The following PTPRD variants were observed in gnomAD, a reference collection of about 807,000 sequenced individuals.
The protein encoded by PTPRD is protein tyrosine phosphatase receptor type D.
PTPRD carries 34 observed loss-of-function variants against 214.5 expected under a neutral mutation model. The observed-to-expected ratio is 0.16, with a 90% CI of 0.12 to 0.21. PTPRD has a LOEUF of 0.21. PTPRD is among the 10% of genes least tolerant of loss of function. The pLI, the probability that PTPRD is intolerant of heterozygous loss-of-function variation, is 1.00. For synonymous variants in PTPRD, 1,128 were observed against 845.7 expected (o/e 1.33, Z -5.79); for missense variants, 2,545 against 2,398.7 (o/e 1.06, Z -1.27).
At chr9:8,645,691 G>T (rs2096671997) in intron 12 of PTPRD, among the ~76,000 whole-genome samples, 1 of 151,952 alleles carries the variant, frequency 6.6e-6, no homozygotes, top group Non-Finnish European at 1.5e-5. Context: ...AGGAAGAAAA[G>T]ATTTAATTTA....
intron 8 of PTPRD, among the ~76,000 whole-genome samples, chr9:9,516,834 T>A (rs2096850709): frequency 6.6e-6 from 1 of 151,670 alleles, no homozygotes; most frequent in African/African-American, 2.4e-5. Context: ...CCACAATATC[T>A]TATTTTAGGC....
chr9:10,506,857 T>G (rs73642003), intron 2 of PTPRD, among the ~76,000 whole-genome samples: 21,619 of 152,046 alleles, frequency 0.14, 2,540 homozygotes, highest in African/African-American at 0.32. Context: ...TAGACATTTT[T>G]GGGAAGTCAT....
chr9:10,572,056 T>C (rs1014760297), intron 2 of PTPRD, among the ~76,000 whole-genome samples: 1 of 152,070 alleles, frequency 6.6e-6, no homozygotes, highest in African/African-American at 2.4e-5. Flanking sequence ...GTATTAGACA[T>C]ACAGACATAG....
rs190614242 is a variant in PTPRD at position 9,483,920 on chromosome 9, T to C, written c.-236-86438A>G. 2.0e-3 allele frequency among the ~76,000 whole-genome samples: 297 copies of C among 152,038 alleles called. 6 individuals carry two copies. Among genetic ancestry groups the C allele is most frequent in the Admixed American group, 0.012 (188 of 15,246 alleles). On this transcript the variant is annotated intron_variant, in intron 8 of 45. Transcript: ENST00000381196. ...ATCCCTTTGTATCCTATCACGTTTA[T>C]GTTATATTATAAATGCTTTTCTAGA...
chr9:8,770,328 G>C (rs2095107069), intron 11 of PTPRD, among the ~76,000 whole-genome samples: 1 of 149,442 alleles, frequency 6.7e-6, no homozygotes, highest in South Asian at 2.1e-4. Flanking sequence ...TTCTCAATTT[G>C]CTATGATAGT....
chr9:9,212,362 C>T (rs1338400164), intron 9 of PTPRD, among the ~76,000 whole-genome samples: 1 of 152,120 alleles, frequency 6.6e-6, no homozygotes, highest in Non-Finnish European at 1.5e-5. Context: ...TTTCCCTATG[C>T]TGAAACAGTT....
intron 12 of PTPRD, among the ~76,000 whole-genome samples, chr9:8,689,326 C>T (rs951805708): frequency 2.6e-5 from 4 of 152,196 alleles, no homozygotes; most frequent in African/African-American, 9.6e-5. Flanking sequence ...TAGTTCATTT[C>T]TTGCTACCTG....
At chr9:8,565,918 G>A (rs1295674178) in intron 14 of PTPRD, among the ~76,000 whole-genome samples, 1 of 152,082 alleles carries the variant, frequency 6.6e-6, no homozygotes, top group Non-Finnish European at 1.5e-5. Flanking sequence ...TATATAGAGA[G>A]AAAACAAGAA....
intron 10 of PTPRD, among the ~76,000 whole-genome samples, chr9:9,178,033 G>A (rs2099925985): frequency 6.6e-6 from 1 of 152,096 alleles, no homozygotes. Flanking sequence ...AATGGTGAAG[G>A]AACTACAGAT....
At chr9:10,212,087 C>G (rs2099520100) in intron 3 of PTPRD, among the ~76,000 whole-genome samples, 1 of 152,124 alleles carries the variant, frequency 6.6e-6, no homozygotes, top group Non-Finnish European at 1.5e-5. Flanking sequence ...CTTTCCAATT[C>G]TATCTAGCAG....
chr9:8,414,341 A>G (rs996098741), intron 35 of PTPRD, among the ~76,000 whole-genome samples: 6 of 152,198 alleles, frequency 3.9e-5, no homozygotes, highest in East Asian at 1.9e-4. Flanking sequence ...GTGTTTTCCA[A>G]TTTTTACATA....
At chr9:8,744,774 T>A (rs1368406521) in intron 11 of PTPRD, among the ~76,000 whole-genome samples, 1 of 152,166 alleles carries the variant, frequency 6.6e-6, no homozygotes, top group Non-Finnish European at 1.5e-5. Context: ...CCAAACACCA[T>A]CTGTTCCTCA....
chr9:10,251,711 T>G (rs2092785491), intron 3 of PTPRD, among the ~76,000 whole-genome samples: 1 of 152,192 alleles, frequency 6.6e-6, no homozygotes, highest in East Asian at 1.9e-4. Context: ...GATTATAGTT[T>G]CCTAATATGG....
chr9:9,576,332 G>C (rs1297506659), intron 7 of PTPRD, among the ~76,000 whole-genome samples: 3 of 152,140 alleles, frequency 2.0e-5, no homozygotes, highest in African/African-American at 7.2e-5. Context: ...TGAAATGTTA[G>C]AGGAAAACAA....
In PTPRD at chr9:9,049,209, G is replaced by C. The variant is rs78400481; in HGVS notation, c.-142-30474C>G. 7.1e-3 allele frequency among the ~76,000 whole-genome samples: 1,083 copies of C among 152,264 alleles called. 19 individuals carry two copies. Among genetic ancestry groups the C allele is most frequent in the African/African-American group, 0.025 (1,036 of 41,548 alleles). ...GAAGAGTTAAGCCTTAAGGCATTCA[G>C]TGGAAGGAATAGGGAATTTTCATCC... On this transcript the variant is annotated intron_variant, in intron 10 of 45. Transcript: ENST00000381196.
chr9:8,843,734 T>C (rs1280145038), intron 11 of PTPRD, among the ~76,000 whole-genome samples: 1 of 152,162 alleles, frequency 6.6e-6, no homozygotes, highest in African/African-American at 2.4e-5. Context: ...GCAGATACTG[T>C]CTACTATGGG....
At chr9:9,615,338 C>A in intron 7 of PTPRD, among the ~76,000 whole-genome samples, 1 of 152,138 alleles carries the variant, frequency 6.6e-6, no homozygotes, top group East Asian at 1.9e-4. Context: ...ATCTGTTGCT[C>A]CTCACCTGCT....
chr9:8,423,002 C>T (rs182811081), intron 35 of PTPRD, among the ~76,000 whole-genome samples: 5 of 152,222 alleles, frequency 3.3e-5, no homozygotes, highest in African/African-American at 1.2e-4. Context: ...AGTTGTAGAA[C>T]GGCAATAGAA....
chr9:8,433,557 A>C (rs1180250452), intron 35 of PTPRD, among the ~76,000 whole-genome samples: 1 of 152,200 alleles, frequency 6.6e-6, no homozygotes, highest in Non-Finnish European at 1.5e-5. Context: ...GATATTGATG[A>C]TTCTGACTCT....
Sources: allele counts gnomAD v4.1 joint callset (sites outside exome capture counted in the v4.1 genomes callset), GRCh38; gene constraint gnomAD v4.1.1; transcripts MANE v1.5; gene names NCBI Gene and HGNC (gene_info 2026-07-23, HGNC 2026-07-21).